Variants in NOS1AP observed in about 807,000 individuals in gnomAD.
The protein encoded by NOS1AP is nitric oxide synthase 1 adaptor protein, also known as carboxyl-terminal PDZ ligand of neuronal nitric oxide synthase protein.
Under a neutral mutation model 56.2 loss-of-function variants are expected in NOS1AP, and 21 were observed. That is an observed-to-expected ratio of 0.37 (90% confidence interval 0.26 to 0.54). The LOEUF (loss-of-function observed/expected upper bound fraction) is 0.54, where lower values mean the gene tolerates loss of function less well. Among genes scored for constraint, NOS1AP ranks in the 20% least tolerant of loss-of-function variants. The pLI is 0.84. For synonymous variants in NOS1AP, 270 were observed against 274.6 expected (o/e 0.98, Z 0.17); for missense variants, 522 against 657.8 (o/e 0.79, Z 2.26).
chr1:162,359,065 A>G (rs1307290932), intron 8 of NOS1AP, among the ~76,000 whole-genome samples: 1 of 152,156 alleles, frequency 6.6e-6, no homozygotes, highest in African/African-American at 2.4e-5. Flanking sequence ...CCCTGTTTTA[A>G]TTGTGTCTCT....
chr1:162,130,675 GA>G (rs1558113688), intron 1 of NOS1AP, among the ~76,000 whole-genome samples: 1 of 152,184 alleles, frequency 6.6e-6, no homozygotes, highest in Non-Finnish European at 1.5e-5. Context: ...TGAGACCGCT[GA>G]GAAGTCACCT....
chr1:162,339,222 C>T (rs1256813857), intron 5 of NOS1AP, among the ~76,000 whole-genome samples: 2 of 152,124 alleles, frequency 1.3e-5, no homozygotes, highest in African/African-American at 4.8e-5. Context: ...TTGAAAATAT[C>T]AAAGCAACCA....
At chr1:162,363,966 A>G (rs1324536006) in intron 8 of NOS1AP, 6 of 985,276 alleles carry the variant, frequency 6.1e-6, no homozygotes, top group Admixed American at 6.1e-5. Flanking sequence ...AGGGCCTCCA[A>G]TCTGGGCAAG....
At chr1:162,313,211 A>G (rs1034962169) in intron 4 of NOS1AP, among the ~76,000 whole-genome samples, 1 of 152,212 alleles carries the variant, frequency 6.6e-6, no homozygotes, top group Non-Finnish European at 1.5e-5. Context: ...TGTGACTTCT[A>G]TTAAACTTTC....
intron 2 of NOS1AP, among the ~76,000 whole-genome samples, chr1:162,218,007 A>T (rs1652639537): frequency 6.6e-6 from 1 of 152,174 alleles, no homozygotes; most frequent in Admixed American, 6.5e-5. Flanking sequence ...CTTGCTACAG[A>T]TGAAGAAACT....
At chr1:162,191,885 G>A (rs187912189) in intron 2 of NOS1AP, among the ~76,000 whole-genome samples, 33 of 152,264 alleles carry the variant, frequency 2.2e-4, no homozygotes, top group African/African-American at 7.7e-4. Context: ...ATGCCAAAGT[G>A]GTGATGTAGA....
chr1:162,208,803 C>T (rs1163391774), intron 2 of NOS1AP, among the ~76,000 whole-genome samples: 1 of 152,212 alleles, frequency 6.6e-6, no homozygotes, highest in Non-Finnish European at 1.5e-5. Flanking sequence ...GCCTTTATAC[C>T]GACCGTAAAG....
intron 1 of NOS1AP, among the ~76,000 whole-genome samples, chr1:162,077,991 G>A (rs1334371949): frequency 6.6e-6 from 1 of 152,018 alleles, no homozygotes; most frequent in Admixed American, 6.6e-5. Flanking sequence ...TTTTCTTCCT[G>A]AGCTGCCTGT....
At chr1:162,093,559 TA>T (rs1389178217) in intron 1 of NOS1AP, among the ~76,000 whole-genome samples, 1 of 152,168 alleles carries the variant, frequency 6.6e-6, no homozygotes, top group Non-Finnish European at 1.5e-5. Flanking sequence ...CGCTTTATTT[TA>T]TTTTATTTTT....
At chr1:162,145,208 G>A (rs1382531413) in intron 1 of NOS1AP, among the ~76,000 whole-genome samples, 1 of 140,022 alleles carries the variant, frequency 7.1e-6, no homozygotes, top group Non-Finnish European at 1.5e-5. Context: ...AAGACGTGGT[G>A]TGCAGCTGCA....
chr1:162,231,335 T>A (rs1419408463), intron 2 of NOS1AP, among the ~76,000 whole-genome samples: 1 of 152,210 alleles, frequency 6.6e-6, no homozygotes, highest in African/African-American at 2.4e-5. Flanking sequence ...ATTGGCTTAT[T>A]TGGCTTTTGT....
chr1:162,154,312 G>A (rs535005328), intron 1 of NOS1AP, 93 bp from the exon 2 acceptor site: 288 of 1,028,710 alleles, frequency 2.8e-4, no homozygotes, highest in African/African-American at 2.3e-3. Context: ...TGTAAAATGG[G>A]CAGATGAGCT....
intron 2 of NOS1AP, among the ~76,000 whole-genome samples, chr1:162,263,288 C>T (rs187007590): frequency 2.0e-5 from 3 of 151,908 alleles, no homozygotes; most frequent in African/African-American, 4.8e-5. Context: ...TTTAAGATCA[C>T]GGTACTGGCC....
intron 2 of NOS1AP, 34 bp from the exon 3 acceptor site, chr1:162,287,310 T>A: frequency 6.8e-7 from 1 of 1,467,042 alleles, no homozygotes; most frequent in Non-Finnish European, 9.6e-7. Context: ...TCTCATCAGA[T>A]TGCACTTTCT....
intron 4 of NOS1AP, among the ~76,000 whole-genome samples, chr1:162,319,051 G>T (rs1006057809): frequency 2.6e-5 from 4 of 152,164 alleles, no homozygotes; most frequent in Admixed American, 6.5e-5. Flanking sequence ...GGGTTGGTTT[G>T]TCTGGCTGCA....
intron 8 of NOS1AP, chr1:162,363,016 A>G (rs779850141): frequency 2.8e-5 from 15 of 543,486 alleles, no homozygotes; most frequent in Non-Finnish European, 3.5e-5. Flanking sequence ...TTTCCCACAC[A>G]CCAAGCAAGC....
chr1:162,072,008 TATG>T (rs952203775), intron 1 of NOS1AP, among the ~76,000 whole-genome samples: 2 of 151,844 alleles, frequency 1.3e-5, no homozygotes, highest in African/African-American at 4.8e-5. Context: ...TGCAGTGAGT[TATG>T]ATTGCACCAC....
intron 1 of NOS1AP, among the ~76,000 whole-genome samples, chr1:162,130,409 A>T (rs1648700330): frequency 6.6e-6 from 1 of 152,206 alleles, no homozygotes; most frequent in Admixed American, 6.5e-5. Flanking sequence ...CACCTAGTGG[A>T]TACTTACTGG....
chr1:162,301,909 A>G (rs981961214), intron 4 of NOS1AP, among the ~76,000 whole-genome samples: 1 of 152,258 alleles, frequency 6.6e-6, no homozygotes, highest in Non-Finnish European at 1.5e-5. Context: ...TGCTTGTGAA[A>G]TGGAATGTCC....
Sources: allele counts gnomAD v4.1 joint callset (sites outside exome capture counted in the v4.1 genomes callset), GRCh38; gene constraint gnomAD v4.1.1; transcripts MANE v1.5; gene names NCBI Gene and HGNC (gene_info 2026-07-23, HGNC 2026-07-21).